CACNA1D: variants seen among roughly 807,000 people sequenced by gnomAD.
The protein encoded by CACNA1D is calcium voltage-gated channel subunit alpha1 D.
In CACNA1D, 55 loss-of-function variants were observed where a neutral mutation model predicts 257.1. That is an observed-to-expected ratio of 0.21 (90% CI 0.17 to 0.27). The LOEUF (loss-of-function observed/expected upper bound fraction) is 0.27, where lower values mean the gene tolerates loss of function less well. CACNA1D is among the 10% of genes least tolerant of loss of function. CACNA1D has a pLI of 1.00. For synonymous variants in CACNA1D, 980 were observed against 1,014.9 expected (o/e 0.97, Z 0.65); for missense variants, 1,876 against 2,784.0 (o/e 0.67, Z 7.34).
chr3:53,586,705 G>A (rs2093223552), intron 3 of CACNA1D, among the ~76,000 whole-genome samples: 1 of 152,094 alleles, frequency 6.6e-6, no homozygotes, highest in Non-Finnish European at 1.5e-5. Context: ...TAGACAAGAT[G>A]ATATTAAATA....
intron 4 of CACNA1D, among the ~76,000 whole-genome samples, chr3:53,651,850 A>G (rs1180804697): frequency 6.6e-6 from 1 of 152,116 alleles, no homozygotes; most frequent in Non-Finnish European, 1.5e-5. Context: ...CTTGTGGATT[A>G]TCCTTTTATC....
At position 53,603,272 on chromosome 3, in the gene CACNA1D, T is replaced by C. The variant is rs78555068; in HGVS notation, c.484-47507T>C. 8.2e-3 allele frequency among the ~76,000 whole-genome samples: 1,256 copies of C among 152,342 alleles called. 22 individuals carry two copies. The highest frequency in any genetic ancestry group is 0.028 in the African/African-American group (1,166 of 41,584). ...TTAGAGTGGGAATAATGCTCATGCTTGCCTTGAACAGCAGTGGCACAGAGT... is the reference window on the plus strand; with the variant it reads ...TTAGAGTGGGAATAATGCTCATGCTCGCCTTGAACAGCAGTGGCACAGAGT... On this transcript the variant is annotated intron_variant, in intron 3 of 47. Coordinates refer to ENST00000350061, the MANE Select transcript of CACNA1D (RefSeq NM_001128840.3).
intron 3 of CACNA1D, among the ~76,000 whole-genome samples, chr3:53,509,375 G>A (rs188684148): frequency 6.6e-6 from 1 of 152,098 alleles, no homozygotes; most frequent in Non-Finnish European, 1.5e-5. Context: ...TGTTGACACA[G>A]GCCTTGCAGG....
chr3:53,757,557 A>G (rs576210537), intron 29 of CACNA1D, among the ~76,000 whole-genome samples: 3 of 152,338 alleles, frequency 2.0e-5, no homozygotes, highest in East Asian at 3.9e-4. Context: ...CCCAAAGCTG[A>G]CCAGACCACT....
At chr3:53,503,782 G>T (rs2107152115) in intron 3 of CACNA1D, among the ~76,000 whole-genome samples, 1 of 151,632 alleles carries the variant, frequency 6.6e-6, no homozygotes, top group East Asian at 1.9e-4. Context: ...TTTTTGTGGG[G>T]GGGGATTTGG....
chr3:53,716,824 G>A (rs1021206154), intron 9 of CACNA1D, among the ~76,000 whole-genome samples: 7 of 152,170 alleles, frequency 4.6e-5, no homozygotes, highest in African/African-American at 2.4e-5. Flanking sequence ...CAAGCGGAAC[G>A]GATCAGGGAT....
chr3:53,694,811 G>C (rs2094559039), intron 8 of CACNA1D, among the ~76,000 whole-genome samples: 1 of 152,194 alleles, frequency 6.6e-6, no homozygotes, highest in Non-Finnish European at 1.5e-5. Context: ...TTCTGCTGAA[G>C]CTGCTGTTGG....
At chr3:53,680,764 G>A (rs2094422579) in intron 8 of CACNA1D, among the ~76,000 whole-genome samples, 2 of 152,146 alleles carry the variant, frequency 1.3e-5, no homozygotes. Context: ...TTAATAATTT[G>A]GCTTGTGAGA....
intron 3 of CACNA1D, among the ~76,000 whole-genome samples, chr3:53,567,413 C>T (rs2092864004): frequency 6.6e-6 from 1 of 152,184 alleles, no homozygotes; most frequent in Non-Finnish European, 1.5e-5. Context: ...ACACCCATTC[C>T]CTACTTGGGG....
chr3:53,546,093 T>C (rs969869299), intron 3 of CACNA1D, among the ~76,000 whole-genome samples: 1 of 152,214 alleles, frequency 6.6e-6, no homozygotes, highest in East Asian at 1.9e-4. Context: ...ATATTGTATA[T>C]TGGGCCTCTT....
At chr3:53,623,665 C>G (rs898042544) in intron 3 of CACNA1D, among the ~76,000 whole-genome samples, 1 of 152,192 alleles carries the variant, frequency 6.6e-6, no homozygotes, top group African/African-American at 2.4e-5. Flanking sequence ...CCATTAAAAC[C>G]CACCACAGGA....
At chr3:53,716,459 A>G (rs1405528386) in intron 9 of CACNA1D, among the ~76,000 whole-genome samples, 1 of 152,168 alleles carries the variant, frequency 6.6e-6, no homozygotes, top group Non-Finnish European at 1.5e-5. Flanking sequence ...CTGCTGAATC[A>G]GAGTGAGGAA....
intron 3 of CACNA1D, among the ~76,000 whole-genome samples, chr3:53,522,925 C>T (rs1470860502): frequency 6.6e-6 from 1 of 152,188 alleles, no homozygotes; most frequent in Admixed American, 6.5e-5. Context: ...CCCTCCAGCC[C>T]CTCTTCTCAG....
At chr3:53,797,473 G>A (rs2095512999) in intron 40 of CACNA1D, among the ~76,000 whole-genome samples, 1 of 152,150 alleles carries the variant, frequency 6.6e-6, no homozygotes, top group Non-Finnish European at 1.5e-5. Context: ...TGGGAAGAGC[G>A]ATTCTTCTCT....
At position 53,784,952 on chromosome 3, in the gene CACNA1D, G is replaced by A. The variant is rs1247694985; in HGVS notation, c.4793-1870G>A. The stretch of plus-strand genomic sequence containing the variant: ...GTAAGGTCCCGGCTTGACTGAGCTG[G>A]GCAAGTCATTTAGCCCTCTCCATCT... On this transcript the variant is annotated intron_variant, in intron 39 of 47. Coordinates refer to ENST00000350061, the MANE Select transcript of CACNA1D (RefSeq NM_001128840.3). Among the ~76,000 whole-genome samples the A allele has an allele frequency of 8.5e-5, 13 of 152,226 alleles. No individual in the cohort carries two copies. In the East Asian group the frequency reaches 2.5e-3, roughly 29 times the overall value.
chr3:53,718,885 G>A, intron 10 of CACNA1D: 2 of 724,078 alleles, frequency 2.8e-6, no homozygotes, highest in Non-Finnish European at 4.6e-6. Flanking sequence ...AGGCCTGGCG[G>A]TTGGATGACG....
chr3:53,638,861 C>T (rs1020897553), intron 3 of CACNA1D, among the ~76,000 whole-genome samples: 8 of 152,196 alleles, frequency 5.3e-5, no homozygotes, highest in East Asian at 1.9e-4. Context: ...GATGGGTCCT[C>T]GGTTTGCTGA....
intron 3 of CACNA1D, among the ~76,000 whole-genome samples, chr3:53,621,853 T>TA (rs1274680004): frequency 2.6e-5 from 4 of 152,190 alleles, no homozygotes; most frequent in Non-Finnish European, 5.9e-5. Flanking sequence ...AAGAGGCTCA[T>TA]AAAAAGATGT....
chr3:53,509,276 C>T (rs537575395), intron 3 of CACNA1D, among the ~76,000 whole-genome samples: 35 of 146,094 alleles, frequency 2.4e-4, no homozygotes, highest in East Asian at 6.2e-4. Flanking sequence ...TCCACAGCCC[C>T]CTCTGTGTGT....
Sources: allele counts gnomAD v4.1 joint callset (sites outside exome capture counted in the v4.1 genomes callset), GRCh38; gene constraint gnomAD v4.1.1; transcripts MANE v1.5; gene names NCBI Gene and HGNC (gene_info 2026-07-23, HGNC 2026-07-21).